BPTF: variants seen among roughly 807,000 people sequenced by gnomAD.
BPTF encodes bromodomain PHD finger transcription factor.
In BPTF, 18 loss-of-function variants were observed where a neutral mutation model predicts 292.5. The observed-to-expected ratio is 0.06, with a 90% CI of 0.04 to 0.09. The LOEUF (loss-of-function observed/expected upper bound fraction) is 0.09. Ranked by LOEUF, BPTF falls within the 10% of genes least tolerant of loss-of-function variation. BPTF has a pLI of 1.00. For synonymous variants in BPTF, 1,225 were observed against 1,251.9 expected, an observed-to-expected ratio of 0.98 and a Z score of 0.45; for missense variants, 2,726 against 3,498.7, an observed-to-expected ratio of 0.78 and a Z score of 5.57.
At chr17:67,917,934 C>T (rs916829542) in intron 11 of BPTF, among the ~76,000 whole-genome samples, 3 of 152,276 alleles carry the variant, frequency 2.0e-5, no homozygotes, top group African/African-American at 4.8e-5. Flanking sequence ...GCCTCAGGCT[C>T]CCGAGTAGCT....
At position 67,854,561 on chromosome 17, in the gene BPTF, A is replaced by G. The variant is rs2058585377; in HGVS notation, c.1235A>G (p.Tyr412Cys). 1 of 1,614,106 alleles carries G rather than the reference A, an allele frequency of 6.2e-7. No individual in the cohort carries two copies. Residue 412 changes from tyrosine to cysteine, a missense_variant, in exon 2 of 28, where the codon TAC becomes TGC. Around this residue, in one of 22 missense-constraint regions of BPTF, gnomAD observed 22 missense variants for 97.3 expected, o/e 0.23. Coordinates refer to ENST00000306378, the MANE Select transcript of BPTF (RefSeq NM_182641.4). The surrounding 1 kb of genome is among the most constrained non-coding windows in gnomAD (Gnocchi z 5.6). Reference sequence around the variant, plus strand: ...TGCTGTGAGACATGTTCAGCAGTATACCATTTGGAATGTGTGAAGCCACCT... The same window carrying G: ...TGCTGTGAGACATGTTCAGCAGTATGCCATTTGGAATGTGTGAAGCCACCT... ...LLCCETCSAV[Y>C]HLECVKPPLE...
rs2055938404 is a variant in BPTF at position 67,825,813 on chromosome 17, C to T, written c.89C>T (p.Pro30Leu). 1.7e-5 allele frequency: 17 copies of T among 1,024,930 alleles called. No homozygotes were observed. Among genetic ancestry groups the T allele is most frequent in the Non-Finnish European group, 2.0e-5 (17 of 857,850 alleles). 63.5% of individuals were successfully genotyped at this position (1,024,930 alleles called of 1,614,324 possible). Residue 30 changes from proline to leucine, a missense_variant, in exon 1 of 28, where the codon CCG (proline) becomes CTG (leucine). Coordinates refer to ENST00000306378, the MANE Select transcript of BPTF (RefSeq NM_182641.4). The stretch of plus-strand genomic sequence containing the variant: ...CCGGCCCCGCCGCCACCGCCGCCGC[C>T]GCCCACGTCCGGACCCATCGGGGGG... ...CAPAPPPPPP[P>L]PTSGPIGGLR...
chr17:67,959,547 C>A lies in BPTF; in HGVS notation c.7933C>A (p.Leu2645Met). 6.6e-7 allele frequency: 1 copy of A among 1,519,780 alleles called. No individual in the cohort carries two copies. The highest frequency in any genetic ancestry group is 2.3e-5 in the Admixed American group (1 of 43,310). 94.1% of individuals were successfully genotyped at this position (1,519,780 alleles called of 1,614,324 possible). Residue 2645 changes from leucine to methionine, a missense_variant, in exon 24 of 28, where the codon CTG becomes ATG. Transcript: ENST00000306378. ...KDLQIEVQEE[L>M]KRDLKIKKEK... is the part of the protein sequence containing the mutation. ...TGTCTTTAATTGATAACAGGAAGAGCTGAAGAGAGACCTGAAAATTAAGAA... is the reference window on the plus strand; with the variant it reads ...TGTCTTTAATTGATAACAGGAAGAGATGAAGAGAGACCTGAAAATTAAGAA...
intron 7 of BPTF, among the ~76,000 whole-genome samples, chr17:67,898,653 T>C (rs141983644): frequency 1.8e-3 from 263 of 146,646 alleles, no homozygotes; most frequent in African/African-American, 6.3e-3. Flanking sequence ...AATACGAGTA[T>C]ATGAAGTCTT....
chr17:67,944,109 G>C, intron 19 of BPTF, 41 bp from the exon 20 acceptor site: 2 of 1,429,030 alleles, frequency 1.4e-6, no homozygotes, highest in Non-Finnish European at 2.0e-6. Flanking sequence ...CATACAGATT[G>C]ATGCTTTGAA....
chr17:67,982,460 G>A lies in BPTF; in HGVS notation c.*172G>A. On this transcript the variant is annotated 3_prime_UTR_variant, in exon 28 of 28. Transcript: ENST00000306378. ...TATTCTTGGCCAATTTTGTCCAACGGACAAGAAAAAAGCAAAGTCAACGAC... is the reference window on the plus strand; with the variant it reads ...TATTCTTGGCCAATTTTGTCCAACGAACAAGAAAAAAGCAAAGTCAACGAC... 1 of 498,666 alleles carries A rather than the reference G, an allele frequency of 2.0e-6. No homozygotes were observed. Among genetic ancestry groups the A allele is most frequent in the Non-Finnish European group, 3.5e-6 (1 of 288,736 alleles). 30.9% of individuals were successfully genotyped at this position (498,666 alleles called of 1,614,324 possible). A position where few individuals can be genotyped will look rare whatever the true frequency, so the allele number is the denominator to read the frequency against.
intron 14 of BPTF, among the ~76,000 whole-genome samples, chr17:67,924,266 G>T (rs1162015243): frequency 6.6e-6 from 1 of 151,960 alleles, no homozygotes; most frequent in Non-Finnish European, 1.5e-5. Flanking sequence ...GAGCCACTGT[G>T]CCCAGCTCCG....
intron 24 of BPTF, among the ~76,000 whole-genome samples, chr17:67,962,186 A>T (rs1397726978): frequency 2.0e-5 from 3 of 152,164 alleles, no homozygotes; most frequent in African/African-American, 7.2e-5. Flanking sequence ...ACATAACCAT[A>T]TATTATTCCT....
intron 9 of BPTF, among the ~76,000 whole-genome samples, chr17:67,906,079 G>A (rs2062172381): frequency 6.6e-6 from 1 of 151,738 alleles, no homozygotes; most frequent in Non-Finnish European, 1.5e-5. Context: ...TTTTTGGGGG[G>A]AGGGGTTGTT....
intron 5 of BPTF, among the ~76,000 whole-genome samples, chr17:67,892,588 C>T (rs537274264): frequency 6.6e-6 from 1 of 152,228 alleles, no homozygotes; most frequent in Admixed American, 6.5e-5. Flanking sequence ...AACTTTGTCT[C>T]CCATATTCGA....
rs2059401815 is a variant in BPTF at position 67,866,594 on chromosome 17, A to G, written c.1567A>G (p.Met523Val). 6.2e-7 allele frequency: 1 copy of G among 1,613,934 alleles called. No homozygotes were observed. Among genetic ancestry groups the G allele is most frequent in the South Asian group, 1.1e-5 (1 of 91,080 alleles). Reference sequence around the variant, plus strand: ...AGAACTCTGCAAAATTCTAGAAGAAATGCGTGAAGAAATCCACCGACACAT... The same window carrying G: ...AGAACTCTGCAAAATTCTAGAAGAAGTGCGTGAAGAAATCCACCGACACAT... ...EAELCKILEE[M>V]REEIHRHMDI... Residue 523 changes from methionine (M) to valine (V), a missense_variant, in exon 3 of 28, where the codon ATG becomes GTG. Met to Val is a conservative substitution (Grantham distance 21). Around this residue, in one of 22 missense-constraint regions of BPTF, gnomAD observed 187 missense variants for 201.5 expected, o/e 0.93. Transcript: ENST00000306378.
chr17:67,907,322 A>G (rs1471464655), intron 9 of BPTF, among the ~76,000 whole-genome samples: 1 of 150,780 alleles, frequency 6.6e-6, no homozygotes, highest in Admixed American at 6.6e-5. Flanking sequence ...GAGAATAATG[A>G]ACTCATTCAG....
intron 27 of BPTF, chr17:67,981,509 A>T: frequency 8.6e-7 from 1 of 1,162,770 alleles, no homozygotes; most frequent in Non-Finnish European, 1.1e-6. Context: ...GTTTTATTGT[A>T]CCTCGTGATT....
chr17:67,956,542 T>G (rs1459693466), intron 23 of BPTF: 3 of 151,790 alleles, frequency 2.0e-5, no homozygotes, highest in African/African-American at 7.3e-5. Context: ...CGTCTTGACC[T>G]CCTGGACTCA....
intron 1 of BPTF, among the ~76,000 whole-genome samples, chr17:67,833,469 A>G (rs2143975150): frequency 6.6e-6 from 1 of 152,212 alleles, no homozygotes; most frequent in East Asian, 1.9e-4. Flanking sequence ...AATGCTGCTG[A>G]GCACATTCGT....
chr17:67,934,676 A>G (rs1341503654), intron 18 of BPTF, among the ~76,000 whole-genome samples: 1 of 151,550 alleles, frequency 6.6e-6, no homozygotes, highest in Non-Finnish European at 1.5e-5. Context: ...GATCAAAACC[A>G]TCCTAACCAA....
intron 4 of BPTF, among the ~76,000 whole-genome samples, chr17:67,889,674 G>A (rs143042207): frequency 0.013 from 1,965 of 152,288 alleles, 46 homozygotes; most frequent in East Asian, 0.12. Flanking sequence ...TGGGCATGGT[G>A]GCGGGCGCCT....
intron 1 of BPTF, among the ~76,000 whole-genome samples, chr17:67,840,401 C>CAT (rs965466049): frequency 6.6e-6 from 1 of 152,010 alleles, no homozygotes; most frequent in Non-Finnish European, 1.5e-5. Flanking sequence ...GCTGCCATGC[C>CAT]TGGCCAAGAT....
At chr17:67,937,790 T>C (rs1384052284) in intron 18 of BPTF, among the ~76,000 whole-genome samples, 1 of 152,098 alleles carries the variant, frequency 6.6e-6, no homozygotes, top group Non-Finnish European at 1.5e-5. Flanking sequence ...CTGGAACTTA[T>C]CCCTCTTCCT....
Sources: gnomAD v4.1 joint callset for allele counts (sites outside exome capture counted in the v4.1 genomes callset) on GRCh38, gnomAD v4.1.1 for gene constraint, gnomAD v4.1.1 regional missense constraint, Gnocchi (gnomAD v3.1) non-coding constraint, MANE v1.5 for transcripts, NCBI Gene and HGNC (gene_info 2026-07-23, HGNC 2026-07-21) for gene names.